PGK1: variants seen among roughly 807,000 people sequenced by gnomAD.
PGK1 encodes PRP 2.
PGK1 carries 3 observed loss-of-function variants against 26.9 expected under a neutral mutation model. That is an observed-to-expected ratio of 0.11 (90% CI 0.05 to 0.29). PGK1 has a LOEUF of 0.29. PGK1 is among the 10% of genes least tolerant of loss of function. The probability of loss-of-function intolerance (pLI) is 1.00; values close to 1 mark genes in which losing one functional copy is unlikely to be tolerated. For missense variants in PGK1, 270 were observed against 314.7 expected, an observed-to-expected ratio of 0.86 and a Z score of 1.07; for synonymous variants, 125 against 115.3, an observed-to-expected ratio of 1.08 and a Z score of -0.54.
chrX:78,108,775 G>A (rs1557246539), intron 1 of PGK1, among the ~76,000 whole-genome samples: 1 of 112,346 alleles, frequency 8.9e-6, no homozygotes, highest in Admixed American at 9.4e-5. Flanking sequence ...GCTGTTTTTA[G>A]TAGTGGTTGA....
At chrX:78,108,625 G>A (rs2078283816) in intron 1 of PGK1, among the ~76,000 whole-genome samples, 1 of 111,925 alleles carries the variant, frequency 8.9e-6, no homozygotes, top group Non-Finnish European at 1.9e-5. Context: ...ATGTCTGTAG[G>A]AGTTTGTAAT....
At chrX:78,113,369 C>T (rs1188406911) in intron 2 of PGK1, among the ~76,000 whole-genome samples, 1 of 111,736 alleles carries the variant, frequency 8.9e-6, no homozygotes, top group Admixed American at 9.5e-5. Context: ...GCATAAATCA[C>T]CATGTTTGTA....
intron 6 of PGK1, among the ~76,000 whole-genome samples, chrX:78,119,801 T>A (rs2078345168): frequency 8.9e-6 from 1 of 112,127 alleles, no homozygotes; most frequent in African/African-American, 3.2e-5. Flanking sequence ...TGCGGAACTG[T>A]GAGTCAATTT....
At chrX:78,110,210 T>A (rs1557246747) in intron 2 of PGK1, among the ~76,000 whole-genome samples, 1 of 110,915 alleles carries the variant, frequency 9.0e-6, no homozygotes. Context: ...TGGAGTGTAG[T>A]GGTGTGATCA....
rs188127883 is a variant in PGK1, at chrX:78,119,095, T to C, written c.641+925T>C. On this transcript the variant is annotated intron_variant, in intron 6 of 10. Coordinates refer to ENST00000373316, the MANE Select transcript of PGK1 (RefSeq NM_000291.4). Reference sequence around the variant, plus strand: ...GCCTTATAACCTGGCAGGGTATAACTATATAACCTGGCAGGGTATAACCAT... The same window carrying C: ...GCCTTATAACCTGGCAGGGTATAACCATATAACCTGGCAGGGTATAACCAT... 1.1e-4 allele frequency among the ~76,000 whole-genome samples: 12 copies of C among 111,387 alleles called. No individual in the cohort carries two copies. The South Asian group carries it at 1.5e-3, about 14-fold the overall frequency.
chrX:78,120,191 G>A (rs1259935753), intron 6 of PGK1, among the ~76,000 whole-genome samples: 2 of 111,417 alleles, frequency 1.8e-5, no homozygotes, highest in East Asian at 2.8e-4. Flanking sequence ...AAACTTTATT[G>A]TAAGAAACAC....
Position 78,109,858 on chromosome X carries a change from CT to C in PGK1, c.66-3del. ...AAGTTGATCATGGTCTTGCATCTTT[CT>C]TTTTTAGAGTCGACTTCAATGTTCC... On this transcript the variant is annotated splice_region_variant and splice_polypyrimidine_tract_variant and intron_variant, in intron 1 of 10. Transcript: ENST00000373316. 8.5e-7 allele frequency: 1 copy of C among 1,180,282 alleles called. No individual in the cohort carries two copies. The highest frequency in any genetic ancestry group is 1.2e-6 in the Non-Finnish European group (1 of 866,748).
Position 78,125,067 on chromosome X carries a change from C to G in PGK1, c.1114+16C>G, listed in dbSNP as rs1557248520. 1 of 1,180,828 alleles carries G rather than the reference C, an allele frequency of 8.5e-7. No homozygotes were observed. Among genetic ancestry groups the G allele is most frequent in the Admixed American group, 2.2e-5 (1 of 45,956 alleles). ...ACCATCATAGGTAAGCGGTCCTATA[C>G]AAAGCTAATACCCATATAAGCTGGC... On this transcript the variant is annotated intron_variant, in intron 9 of 10. Coordinates refer to ENST00000373316, the MANE Select transcript of PGK1 (RefSeq NM_000291.4).
intron 1 of PGK1, among the ~76,000 whole-genome samples, chrX:78,108,674 A>T (rs2078284060): frequency 8.9e-6 from 1 of 111,782 alleles, no homozygotes. Context: ...TTAAAAAGGC[A>T]GAGGAAAAAG....
chrX:78,123,027 G>A lies in PGK1; in HGVS notation c.756+78G>A, dbSNP rs1416207740. ...GTTGTATAAATGTAAAAAGAAAACA[G>A]TCTTTTGACATGAGCCCTGAAAATT... On this transcript the variant is annotated intron_variant, in intron 7 of 10. Transcript: ENST00000373316. 5.3e-6 allele frequency: 4 copies of A among 750,936 alleles called. No homozygotes were observed. In the East Asian group the frequency reaches 9.5e-5, roughly 18 times the overall value. The allele number at this position is 750,936 out of a possible 1,213,427, so 61.9% of individuals were successfully genotyped here.
At chrX:78,118,621 C>A (rs1442327155) in intron 6 of PGK1, among the ~76,000 whole-genome samples, 1 of 111,022 alleles carries the variant, frequency 9.0e-6, no homozygotes, top group Non-Finnish European at 1.9e-5. Context: ...AACGAACGAA[C>A]TACATACAGA....
intron 1 of PGK1, among the ~76,000 whole-genome samples, chrX:78,105,866 A>G (rs781950621): frequency 6.4e-4 from 72 of 111,752 alleles, no homozygotes; most frequent in African/African-American, 2.3e-3. Flanking sequence ...CCCTCATACA[A>G]TCCTAAAAAA....
Position 78,126,451 on chromosome X carries a change from G to C in PGK1, c.*621G>C, listed in dbSNP as rs782575510. On this transcript the variant is annotated 3_prime_UTR_variant, in exon 11 of 11. Coordinates refer to ENST00000373316, the MANE Select transcript of PGK1 (RefSeq NM_000291.4). ...CTACTTTATGGCAGACATTGTGCTA[G>C]TGCTTTTATTCTAACTTTTATTTTT... is the stretch of plus-strand genomic sequence containing the variant. 1 of 111,941 alleles carries C rather than the reference G, an allele frequency of 8.9e-6. No homozygotes were observed. Among genetic ancestry groups the C allele is most frequent in the Non-Finnish European group, 1.9e-5 (1 of 53,531 alleles). 9.2% of individuals were successfully genotyped at this position (111,941 alleles called of 1,213,427 possible).
At chrX:78,120,721 CTG>C (rs2078350791) in intron 6 of PGK1, among the ~76,000 whole-genome samples, 1 of 111,308 alleles carries the variant, frequency 9.0e-6, no homozygotes, top group Admixed American at 9.5e-5. Flanking sequence ...GTCTCGAACT[CTG>C]GGGCTCAGGC....
chrX:78,120,499 A>AT lies in PGK1; in HGVS notation c.642-2325dup, dbSNP rs1295039528. On this transcript the variant is annotated intron_variant, in intron 6 of 10. Transcript: ENST00000373316. Reference sequence around the variant, plus strand: ...TATCTAGATCTAGATCTATATATAGATTTTTTTTTTTCTGATACAGGGTCT... The same window carrying AT: ...TATCTAGATCTAGATCTATATATAGATTTTTTTTTTTTCTGATACAGGGTCT... Among the ~76,000 whole-genome samples the AT allele has an allele frequency of 2.1e-3, 218 of 106,155 alleles. 1 individual carries two copies. The highest frequency in any genetic ancestry group is 5.9e-3 in the African/African-American group (173 of 29,272). The allele number at this position is 106,155 out of a possible 115,157, so 92.2% of individuals were successfully genotyped here.
rs1201995155 is a variant in PGK1, at chrX:78,126,448, C to G, written c.*618C>G. 1 of 112,036 alleles carries G rather than the reference C, an allele frequency of 8.9e-6. No homozygotes were observed. Among genetic ancestry groups the G allele is most frequent in the Non-Finnish European group, 1.9e-5 (1 of 53,570 alleles). 9.2% of individuals were successfully genotyped at this position (112,036 alleles called of 1,213,427 possible). On this transcript the variant is annotated 3_prime_UTR_variant, in exon 11 of 11. Coordinates refer to ENST00000373316, the MANE Select transcript of PGK1 (RefSeq NM_000291.4). ...GGCCTACTTTATGGCAGACATTGTG[C>G]TAGTGCTTTTATTCTAACTTTTATT...
chrX:78,112,990 C>T (rs1557247014), intron 2 of PGK1, among the ~76,000 whole-genome samples: 1 of 112,201 alleles, frequency 8.9e-6, no homozygotes, highest in African/African-American at 3.2e-5. Flanking sequence ...GGATCCTCTG[C>T]CTAGCAACTA....
chrX:78,111,914 A>G (rs1273988669), intron 2 of PGK1, among the ~76,000 whole-genome samples: 1 of 112,723 alleles, frequency 8.9e-6, no homozygotes, highest in Non-Finnish European at 1.9e-5. Context: ...GATAAGGGAT[A>G]GTCCTGAAAA....
intron 1 of PGK1, 84 bp downstream of exon 1, chrX:78,104,489 C>A: frequency 1.3e-6 from 1 of 768,895 alleles, no homozygotes; most frequent in African/African-American, 2.0e-5. Context: ...CTCGTCTGCT[C>A]TAAGTTCTTT....
Sources: allele counts gnomAD v4.1 joint callset (sites outside exome capture counted in the v4.1 genomes callset), GRCh38; gene constraint gnomAD v4.1.1; transcripts MANE v1.5; gene names NCBI Gene and HGNC (gene_info 2026-07-23, HGNC 2026-07-21).